The following DOCK3 variants were observed in gnomAD, a reference collection of about 807,000 sequenced individuals.
DOCK3 encodes dedicator of cytokinesis protein 3.
Under a neutral mutation model 265.6 loss-of-function variants are expected in DOCK3, and 60 were observed. The observed-to-expected ratio is 0.23, with a 90% CI of 0.18 to 0.28. DOCK3 has a LOEUF of 0.28. DOCK3 is among the 10% of genes least tolerant of loss of function. The pLI is 1.00. For synonymous variants in DOCK3, 881 were observed against 938.0 expected, an observed-to-expected ratio of 0.94 and a Z score of 1.11; for missense variants, 1,981 against 2,594.3, an observed-to-expected ratio of 0.76 and a Z score of 5.14.
chr3:50,838,860 T>C (rs370884420), intron 2 of DOCK3, among the ~76,000 whole-genome samples: 73 of 152,366 alleles, frequency 4.8e-4, no homozygotes, highest in African/African-American at 1.7e-3. Flanking sequence ...TCAATTCTTC[T>C]TAGTCATGGA....
At chr3:51,290,581 T>C (rs1339884652) in intron 27 of DOCK3, among the ~76,000 whole-genome samples, 3 of 152,078 alleles carry the variant, frequency 2.0e-5, no homozygotes, top group Non-Finnish European at 2.9e-5. Flanking sequence ...ATATACCTAG[T>C]GTAAATGACG....
At chr3:50,974,966 C>T (rs2077383907) in intron 5 of DOCK3, among the ~76,000 whole-genome samples, 2 of 144,542 alleles carry the variant, frequency 1.4e-5, no homozygotes, top group African/African-American at 5.1e-5. Flanking sequence ...TATAAGAATG[C>T]TTGTGATTTT....
chr3:51,292,041 A>G (rs1374969052), intron 27 of DOCK3, among the ~76,000 whole-genome samples: 1 of 148,690 alleles, frequency 6.7e-6, no homozygotes, highest in African/African-American at 2.5e-5. Flanking sequence ...AAAAATTCTC[A>G]TTTCTTGATT....
intron 5 of DOCK3, among the ~76,000 whole-genome samples, chr3:50,977,053 G>C (rs199535318): frequency 1.1e-5 from 1 of 92,802 alleles, no homozygotes; most frequent in African/African-American, 3.9e-5. Context: ...ATGTGAGATG[G>C]GTTTCCTGAA....
At chr3:51,272,589 G>A (rs988963838) in intron 24 of DOCK3, among the ~76,000 whole-genome samples, 1 of 151,800 alleles carries the variant, frequency 6.6e-6, no homozygotes, top group South Asian at 2.1e-4. Flanking sequence ...GCCCGGCCAG[G>A]TTTGACTTTT....
rs2090400370 is a variant in DOCK3 at position 51,227,983 on chromosome 3, A to G, written c.1542A>G (p.Thr514=). ...ACTAATACTTGGCTCTGATTACAGC[A>G]AAGGACAAAGGGGAAAAGAAACTCT... ...HLRFEFRHCS[T]KDKGEKKLFG... The change falls in exon 17 of 53, where the codon ACA becomes ACG. Residue 514 remains threonine, a splice_region_variant and synonymous_variant. Coordinates refer to ENST00000266037, the MANE Select transcript of DOCK3 (RefSeq NM_004947.5). 6 of 1,613,896 alleles carry G rather than the reference A, an allele frequency of 3.7e-6. No homozygotes were observed. In the Admixed American group the frequency reaches 1.0e-4, roughly 27 times the overall value.
At chr3:50,958,037 C>T (rs530485767) in intron 5 of DOCK3, among the ~76,000 whole-genome samples, 1 of 152,224 alleles carries the variant, frequency 6.6e-6, no homozygotes, top group South Asian at 2.1e-4. Context: ...CTGCAGACAA[C>T]AAGTATTTTG....
intron 27 of DOCK3, among the ~76,000 whole-genome samples, chr3:51,290,671 A>G (rs1010787025): frequency 6.6e-6 from 1 of 152,190 alleles, no homozygotes. Flanking sequence ...GTACCCTAGA[A>G]CTTAAAGTAT....
At position 51,129,315 on chromosome 3, in the gene DOCK3, G is replaced by T. The variant is rs375518041; in HGVS notation, c.747-17234G>T. Among the ~76,000 whole-genome samples the T allele has an allele frequency of 1.0e-3, 158 of 152,260 alleles. 1 individual carries two copies. Among genetic ancestry groups the T allele is most frequent in the East Asian group, 7.9e-3 (41 of 5,176 alleles). ...CTTTCGGGTGGTGCCTGCATATCGC[G>T]CAGAGCCACCTGTGAACCAGGCCCT... On this transcript the variant is annotated intron_variant, in intron 9 of 52. Coordinates refer to ENST00000266037, the MANE Select transcript of DOCK3 (RefSeq NM_004947.5).
intron 6 of DOCK3, among the ~76,000 whole-genome samples, chr3:51,072,852 A>G (rs558478858): frequency 6.6e-4 from 100 of 151,052 alleles, no homozygotes; most frequent in African/African-American, 2.0e-3. Context: ...CTGCAGTCAC[A>G]TGCCATCACA....
At chr3:51,088,784 C>G (rs141633531) in intron 7 of DOCK3, among the ~76,000 whole-genome samples, 5 of 152,314 alleles carry the variant, frequency 3.3e-5, no homozygotes, top group African/African-American at 1.2e-4. Flanking sequence ...GAATTAGAAT[C>G]TGCTTCTTCT....
At chr3:51,159,590 G>A (rs2086034105) in intron 11 of DOCK3, among the ~76,000 whole-genome samples, 1 of 152,072 alleles carries the variant, frequency 6.6e-6, no homozygotes, top group Admixed American at 6.5e-5. Context: ...TCTACTTCTA[G>A]ACATTATTTC....
intron 9 of DOCK3, among the ~76,000 whole-genome samples, chr3:51,132,855 C>A (rs1033828716): frequency 6.6e-6 from 1 of 152,148 alleles, no homozygotes; most frequent in African/African-American, 2.4e-5. Context: ...CTCTGATGAA[C>A]CTCTTTTGCC....
intron 12 of DOCK3, among the ~76,000 whole-genome samples, chr3:51,204,993 A>G (rs1193450847): frequency 1.3e-5 from 2 of 151,778 alleles, no homozygotes; most frequent in Non-Finnish European, 2.9e-5. Context: ...AGGACGGGGA[A>G]CATCACACTC....
intron 1 of DOCK3, among the ~76,000 whole-genome samples, chr3:50,746,917 G>A (rs759362703): frequency 3.9e-5 from 6 of 151,926 alleles, no homozygotes; most frequent in Middle Eastern, 3.4e-3. Context: ...TTTCAACATG[G>A]GATTTGGAGG....
chr3:50,677,619 T>G (rs937573933), intron 1 of DOCK3, among the ~76,000 whole-genome samples: 2 of 152,178 alleles, frequency 1.3e-5, no homozygotes, highest in South Asian at 4.1e-4. Context: ...TTACACTTAC[T>G]TCCTACCAAT....
chr3:51,071,818 A>C (rs985732677), intron 6 of DOCK3, among the ~76,000 whole-genome samples: 8 of 152,210 alleles, frequency 5.3e-5, no homozygotes, highest in African/African-American at 1.9e-4. Context: ...AGGAAAAAAT[A>C]GCCAGGAGCC....
intron 3 of DOCK3, among the ~76,000 whole-genome samples, chr3:50,851,446 T>G (rs1177182664): frequency 6.6e-6 from 1 of 152,096 alleles, no homozygotes; most frequent in Non-Finnish European, 1.5e-5. Flanking sequence ...CTGGAGATCT[T>G]CCTGGGCGTG....
At chr3:51,294,405 G>A (rs916989794) in intron 27 of DOCK3, among the ~76,000 whole-genome samples, 1 of 152,144 alleles carries the variant, frequency 6.6e-6, no homozygotes, top group Non-Finnish European at 1.5e-5. Context: ...GAGGCTGGGC[G>A]CAGTAGCTCA....
Sources: allele counts gnomAD v4.1 joint callset (sites outside exome capture counted in the v4.1 genomes callset), GRCh38; gene constraint gnomAD v4.1.1; transcripts MANE v1.5; gene names NCBI Gene and HGNC (gene_info 2026-07-23, HGNC 2026-07-21).